Variants in PALM2AKAP2 observed in about 807,000 individuals in gnomAD.
The protein encoded by PALM2AKAP2 is PALM2-AKAP2 fusion protein.
In PALM2AKAP2, 37 loss-of-function variants were observed where a neutral mutation model predicts 71.5. The observed-to-expected ratio is 0.52, with a 90% CI of 0.40 to 0.68. PALM2AKAP2 has a LOEUF of 0.68. Among genes scored for constraint, PALM2AKAP2 ranks in the 30% least tolerant of loss-of-function variants. The pLI is 0.00. For missense variants in PALM2AKAP2, 1,224 were observed against 1,191.8 expected, an observed-to-expected ratio of 1.03 and a Z score of -0.40; for synonymous variants, 468 against 478.8, an observed-to-expected ratio of 0.98 and a Z score of 0.29.
rs548087243 is a variant in PALM2AKAP2 at position 109,849,102 on chromosome 9, G to A, written c.46-18389G>A. ...TGGAAGCAAGGAGGGAGAAGGGTTAGAGAGAAAGAAAGAGGGAGGGGGGTC... is the reference window on the plus strand; with the variant it reads ...TGGAAGCAAGGAGGGAGAAGGGTTAAAGAGAAAGAAAGAGGGAGGGGGGTC... On this transcript the variant is annotated intron_variant, in intron 1 of 9. Transcript: ENST00000302798. Among the ~76,000 whole-genome samples the A allele has an allele frequency of 1.5e-3, 233 of 152,204 alleles. 1 individual carries two copies. Among genetic ancestry groups the A allele is most frequent in the African/African-American group, 5.5e-3 (227 of 41,554 alleles).
intron 1 of PALM2AKAP2, among the ~76,000 whole-genome samples, chr9:109,729,808 G>A (rs1047540444): frequency 6.6e-5 from 10 of 152,138 alleles, no homozygotes; most frequent in African/African-American, 1.9e-4. Context: ...TTCCTGCCCC[G>A]GAGGACACTT....
chr9:110,161,121 C>T (rs921569852), intron 3 of PALM2AKAP2, among the ~76,000 whole-genome samples: 1 of 152,158 alleles, frequency 6.6e-6, no homozygotes, highest in Non-Finnish European at 1.5e-5. Context: ...CTCACTCGTA[C>T]CCTAGTGAAG....
At chr9:110,047,271 A>C (rs1833619094), upstream of PALM2AKAP2, among the ~76,000 whole-genome samples, 1 of 152,236 alleles carries the variant, frequency 6.6e-6, no homozygotes, top group African/African-American at 2.4e-5. Context: ...AGGAACCCTG[A>C]GAACAGCTGA....
At chr9:110,142,250 G>T (rs1836052647) in intron 2 of PALM2AKAP2, among the ~76,000 whole-genome samples, 2 of 151,460 alleles carry the variant, frequency 1.3e-5, no homozygotes, top group Non-Finnish European at 2.9e-5. Context: ...TTTTTTGTTT[G>T]TTTGTTTTTT....
intron 7 of PALM2AKAP2, among the ~76,000 whole-genome samples, chr9:110,040,726 C>G (rs1332153596): frequency 6.6e-6 from 1 of 152,094 alleles, no homozygotes; most frequent in African/African-American, 2.4e-5. Context: ...AGAAGTTAAG[C>G]ACCACTGGAA....
At chr9:109,806,422 T>C (rs1226252745) in intron 1 of PALM2AKAP2, among the ~76,000 whole-genome samples, 1 of 152,248 alleles carries the variant, frequency 6.6e-6, no homozygotes, top group Non-Finnish European at 1.5e-5. Flanking sequence ...ATGTTCATGG[T>C]AAATACAAGA....
intron 1 of PALM2AKAP2, among the ~76,000 whole-genome samples, chr9:109,805,717 T>G (rs1434216574): frequency 1.3e-5 from 2 of 152,208 alleles, no homozygotes; most frequent in Non-Finnish European, 2.9e-5. Flanking sequence ...GAATAGATAC[T>G]TGGTATATAG....
intron 1 of PALM2AKAP2, among the ~76,000 whole-genome samples, chr9:109,769,496 T>C (rs1330500149): frequency 6.6e-6 from 1 of 152,200 alleles, no homozygotes; most frequent in Non-Finnish European, 1.5e-5. Flanking sequence ...TGTCTTTAAA[T>C]CAGCGACAGA....
At chr9:109,666,081 C>T (rs924529796) in intron 1 of PALM2AKAP2, among the ~76,000 whole-genome samples, 4 of 152,188 alleles carry the variant, frequency 2.6e-5, no homozygotes, top group Non-Finnish European at 4.4e-5. Flanking sequence ...CCTGTTTTTC[C>T]AGGTAGTCTG....
chr9:109,960,310 G>A (rs934764984), intron 6 of PALM2AKAP2, among the ~76,000 whole-genome samples: 3 of 152,170 alleles, frequency 2.0e-5, no homozygotes, highest in East Asian at 1.9e-4. Context: ...CTGCACTCCT[G>A]CTGTCTTTAC....
chr9:109,867,664 T>C, intron 2 of PALM2AKAP2, 93 bp downstream of exon 2: 1 of 1,412,382 alleles, frequency 7.1e-7, no homozygotes. Flanking sequence ...GTGAAGGCGC[T>C]GCCGCCAACC....
chr9:110,057,781 T>C (rs1011484003), intron 1 of PALM2AKAP2, among the ~76,000 whole-genome samples: 1 of 152,046 alleles, frequency 6.6e-6, no homozygotes, highest in Admixed American at 6.6e-5. Flanking sequence ...AAAACTAGAG[T>C]ATCCTGAGCC....
At chr9:109,943,516 T>A (rs1473108884) in intron 6 of PALM2AKAP2, 1 of 1,480,374 alleles carries the variant, frequency 6.8e-7, no homozygotes, top group East Asian at 2.3e-5. Context: ...TACTGTGAAC[T>A]GGAAGCAAAC....
intron 6 of PALM2AKAP2, among the ~76,000 whole-genome samples, chr9:109,993,971 C>T (rs1487598546): frequency 1.3e-5 from 2 of 152,020 alleles, no homozygotes; most frequent in Non-Finnish European, 2.9e-5. Context: ...CCTGCCTCTC[C>T]AGCTTATCTC....
rs532950209 is a variant in PALM2AKAP2 at position 110,153,659 on chromosome 9, C to T, written c.2570-2660C>T. On this transcript the variant is annotated intron_variant, in intron 2 of 3. Coordinates refer to ENST00000374525, the Ensembl canonical transcript of PALM2AKAP2. ...TGAATTGCCTACCTCGTGCCATGTA[C>T]CACAGCTACTGCTGGGATCTGGCAA... is the stretch of plus-strand genomic sequence containing the variant. 1.5e-4 allele frequency among the ~76,000 whole-genome samples: 23 copies of T among 152,306 alleles called. No individual in the cohort carries two copies. In the South Asian group the frequency reaches 4.8e-3, roughly 32 times the overall value.
At chr9:109,921,007 TAGA>T (rs1440138947) in intron 3 of PALM2AKAP2, among the ~76,000 whole-genome samples, 1 of 152,330 alleles carries the variant, frequency 6.6e-6, no homozygotes, top group East Asian at 1.9e-4. Context: ...CAGATGTGTG[TAGA>T]AGATTTTGCT....
chr9:109,770,279 C>A (rs1197336591), intron 1 of PALM2AKAP2, among the ~76,000 whole-genome samples: 1 of 151,706 alleles, frequency 6.6e-6, no homozygotes, highest in Non-Finnish European at 1.5e-5. Flanking sequence ...TTTTTTTAAC[C>A]AGGAGTCCAT....
intron 2 of PALM2AKAP2, 147 bp from the exon 3 acceptor site, chr9:109,880,404 G>T: frequency 3.3e-6 from 4 of 1,196,838 alleles, no homozygotes; most frequent in Non-Finnish European, 4.6e-6. Flanking sequence ...CTAGAGGGAA[G>T]TAGGGAGCCA....
At chr9:109,917,484 C>CTTTT (rs59106508) in intron 3 of PALM2AKAP2, among the ~76,000 whole-genome samples, 70 of 111,418 alleles carry the variant, frequency 6.3e-4, no homozygotes, top group East Asian at 1.1e-3. Flanking sequence ...CGCTCCTTTC[C>CTTTT]TTTTTTTTTT....
Sources: gnomAD v4.1 joint callset for allele counts (sites outside exome capture counted in the v4.1 genomes callset) on GRCh38, gnomAD v4.1.1 for gene constraint, MANE v1.5 for transcripts, NCBI Gene and HGNC (gene_info 2026-07-23, HGNC 2026-07-21) for gene names.